Variants in PBX3 observed in about 807,000 individuals in gnomAD.
The protein encoded by PBX3 is pre-B-cell leukemia transcription factor 3.
In PBX3, 14 loss-of-function variants were observed where a neutral mutation model predicts 48.5. The observed-to-expected ratio is 0.29, with a 90% confidence interval of 0.19 to 0.45. PBX3 has a LOEUF of 0.45. Ranked by LOEUF, PBX3 falls within the 20% of genes least tolerant of loss-of-function variation. The probability of loss-of-function intolerance (pLI) is 1.00; values close to 1 mark genes in which losing one functional copy is unlikely to be tolerated. For missense variants in PBX3, 386 were observed against 546.7 expected, an observed-to-expected ratio of 0.71 and a Z score of 2.93; for synonymous variants, 210 against 200.3, an observed-to-expected ratio of 1.05 and a Z score of -0.41.
chr9:125,867,958 C>T (rs767401965), intron 2 of PBX3, among the ~76,000 whole-genome samples: 2 of 152,052 alleles, frequency 1.3e-5, no homozygotes, highest in Admixed American at 1.3e-4. Flanking sequence ...TCACTGCAAC[C>T]CTGACCTCCT....
chr9:125,893,413 A>G (rs1178954171), intron 2 of PBX3, among the ~76,000 whole-genome samples: 9 of 152,228 alleles, frequency 5.9e-5, no homozygotes, highest in African/African-American at 2.2e-4. Flanking sequence ...CAGGTGATGA[A>G]TAAAGGCTAA....
intron 2 of PBX3, among the ~76,000 whole-genome samples, chr9:125,752,170 C>T (rs906186318): frequency 1.3e-5 from 2 of 152,060 alleles, no homozygotes; most frequent in Admixed American, 6.5e-5. Flanking sequence ...CCCTAAATAG[C>T]GTTCATTTAC....
rs542106367 is a variant in PBX3, at chr9:125,860,680, T to TACCC, written c.275-55005_275-55004insCCCA. Reference sequence around the variant, plus strand: ...CTGAGGCAGGCAGATCACCTGAGGTTAGGAGTTCAAGACCAGCCTGGCCAA... The same window carrying TACCC: ...CTGAGGCAGGCAGATCACCTGAGGTTACCCAGGAGTTCAAGACCAGCCTGGCCAA... On this transcript the variant is annotated intron_variant, in intron 2 of 8. Transcript: ENST00000373489. Among the ~76,000 whole-genome samples the TACCC allele has an allele frequency of 1.7e-4, 26 of 151,396 alleles. No homozygotes were observed. The South Asian group carries it at 5.4e-3, about 32-fold the overall frequency.
At chr9:125,816,478 G>A (rs1409024206) in intron 2 of PBX3, among the ~76,000 whole-genome samples, 4 of 152,218 alleles carry the variant, frequency 2.6e-5, no homozygotes, top group Admixed American at 2.0e-4. Context: ...TACATTGTTC[G>A]GAGTGATTTT....
intron 2 of PBX3, among the ~76,000 whole-genome samples, chr9:125,901,793 C>T (rs1161846188): frequency 6.6e-6 from 1 of 151,576 alleles, no homozygotes; most frequent in Non-Finnish European, 1.5e-5. Flanking sequence ...AATTTGAATC[C>T]ACCTGGTGGA....
intron 2 of PBX3, among the ~76,000 whole-genome samples, chr9:125,826,692 CTT>C (rs1170544059): frequency 6.6e-6 from 1 of 152,010 alleles, no homozygotes; most frequent in Admixed American, 6.6e-5. Context: ...TGTGTGATGA[CTT>C]TATTCAGAAG....
At chr9:125,904,022 G>A (rs1252156233) in intron 2 of PBX3, among the ~76,000 whole-genome samples, 1 of 151,762 alleles carries the variant, frequency 6.6e-6, no homozygotes, top group East Asian at 1.9e-4. Context: ...AGTACTTTGA[G>A]TAGTGCCTAG....
intron 8 of PBX3, 52 bp downstream of exon 8, chr9:125,963,153 A>G (rs1455839497): frequency 1.0e-6 from 1 of 967,242 alleles, no homozygotes; most frequent in Non-Finnish European, 1.6e-6. Flanking sequence ...GTAAACAGTG[A>G]CTAATAAAGA....
intron 2 of PBX3, among the ~76,000 whole-genome samples, chr9:125,860,067 A>G (rs1839824631): frequency 6.6e-6 from 1 of 152,224 alleles, no homozygotes; most frequent in Non-Finnish European, 1.5e-5. Flanking sequence ...CCAAATCTTT[A>G]TGGCATTAAA....
intron 2 of PBX3, among the ~76,000 whole-genome samples, chr9:125,785,801 C>T (rs910923859): frequency 2.6e-5 from 4 of 152,194 alleles, no homozygotes; most frequent in Admixed American, 1.3e-4. Context: ...CTTCTGCTTT[C>T]TTCAGAACCA....
At chr9:125,864,836 T>A (rs911743024) in intron 2 of PBX3, among the ~76,000 whole-genome samples, 2 of 152,202 alleles carry the variant, frequency 1.3e-5, no homozygotes, top group Non-Finnish European at 2.9e-5. Context: ...GGTCCGTGAC[T>A]TGGGGATTGG....
chr9:125,762,685 A>G (rs1419741154), intron 2 of PBX3, among the ~76,000 whole-genome samples: 1 of 152,246 alleles, frequency 6.6e-6, no homozygotes, highest in Non-Finnish European at 1.5e-5. Context: ...TCTAATATTT[A>G]ATTCATAACA....
At chr9:125,747,759 G>C (rs576087428) in intron 1 of PBX3, 106 bp downstream of exon 1, 1 of 844,434 alleles carries the variant, frequency 1.2e-6, no homozygotes, top group African/African-American at 1.8e-5. Flanking sequence ...AGCCCCCGGC[G>C]GGGAACTTTC....
rs144305399 is a variant in PBX3 at position 125,952,061 on chromosome 9, G to A, written c.844-8623G>A. Among the ~76,000 whole-genome samples, 459 of 152,224 alleles carry A rather than the reference G, an allele frequency of 3.0e-3. 2 individuals are homozygous for A. Among genetic ancestry groups the A allele is most frequent in the African/African-American group, 0.011 (442 of 41,536 alleles). On this transcript the variant is annotated intron_variant, in intron 5 of 8. Transcript: ENST00000373489. ...ATTAGGGAGAAACTGTTTGTTAGAG[G>A]TAAAATTGTTTACCATGTAAATATG...
chr9:125,802,865 G>C (rs1214894187), intron 2 of PBX3, among the ~76,000 whole-genome samples: 1 of 151,912 alleles, frequency 6.6e-6, no homozygotes, highest in Non-Finnish European at 1.5e-5. Context: ...TTTTAGTAGA[G>C]ACAAGGTTTC....
At chr9:125,805,024 T>TG (rs1247507616) in intron 2 of PBX3, among the ~76,000 whole-genome samples, 1 of 148,072 alleles carries the variant, frequency 6.8e-6, no homozygotes, top group Admixed American at 6.9e-5. Flanking sequence ...TATATTTTGT[T>TG]GGGGGAACAT....
intron 2 of PBX3, among the ~76,000 whole-genome samples, chr9:125,821,288 A>G (rs889522049): frequency 3.3e-5 from 5 of 152,168 alleles, no homozygotes; most frequent in African/African-American, 1.2e-4. Context: ...AGTTCTTCAT[A>G]CAACCACAGA....
chr9:125,899,199 A>G (rs1429569298), intron 2 of PBX3, among the ~76,000 whole-genome samples: 9 of 140,902 alleles, frequency 6.4e-5, no homozygotes, highest in Non-Finnish European at 1.2e-4. Flanking sequence ...GATGATATAT[A>G]TATTTATAAA....
At chr9:125,762,907 GA>G (rs1836707179) in intron 2 of PBX3, among the ~76,000 whole-genome samples, 1 of 152,132 alleles carries the variant, frequency 6.6e-6, no homozygotes, top group African/African-American at 2.4e-5. Flanking sequence ...CACTTGAGCA[GA>G]TTTTTTTTTT....
Sources: gnomAD v4.1 joint callset for allele counts (sites outside exome capture counted in the v4.1 genomes callset) on GRCh38, gnomAD v4.1.1 for gene constraint, MANE v1.5 for transcripts, NCBI Gene and HGNC (gene_info 2026-07-23, HGNC 2026-07-21) for gene names.